The following PARD3B variants were observed in gnomAD, a reference collection of about 807,000 sequenced individuals.
PARD3B encodes the protein par-3 family cell polarity regulator beta.
Under a neutral mutation model 130.2 loss-of-function variants are expected in PARD3B, and 103 were observed. The observed-to-expected ratio is 0.79, with a 90% confidence interval of 0.67 to 0.93. The LOEUF (loss-of-function observed/expected upper bound fraction) is 0.93. PARD3B is among the 40% of genes least tolerant of loss of function. The pLI is 0.00. For synonymous variants in PARD3B, 583 were observed against 553.2 expected (o/e 1.05, Z -0.76); for missense variants, 1,609 against 1,499.2 (o/e 1.07, Z -1.21).
chr2:204,817,517 T>A (rs1229132315), intron 2 of PARD3B, among the ~76,000 whole-genome samples: 1 of 152,166 alleles, frequency 6.6e-6, no homozygotes, highest in Admixed American at 6.6e-5. Context: ...GTGTTCCTTT[T>A]GGGAAGAAGC....
intron 2 of PARD3B, among the ~76,000 whole-genome samples, chr2:204,757,651 G>A (rs2040735539): frequency 6.6e-6 from 1 of 152,048 alleles, no homozygotes; most frequent in Non-Finnish European, 1.5e-5. Flanking sequence ...CTTTGTGAAA[G>A]ATTGCAAACA....
intron 20 of PARD3B, among the ~76,000 whole-genome samples, chr2:205,484,258 A>T (rs1214205980): frequency 6.6e-6 from 1 of 152,182 alleles, no homozygotes; most frequent in South Asian, 2.1e-4. Context: ...GAAAAGTTAC[A>T]TTCCTCTAGG....
chr2:205,073,340 G>T (rs1367103799), intron 4 of PARD3B, among the ~76,000 whole-genome samples: 1 of 152,112 alleles, frequency 6.6e-6, no homozygotes, highest in Non-Finnish European at 1.5e-5. Flanking sequence ...GATTGGTTCT[G>T]GTGGTGTCCT....
At chr2:204,774,725 A>G (rs1574951932) in intron 2 of PARD3B, among the ~76,000 whole-genome samples, 1 of 152,262 alleles carries the variant, frequency 6.6e-6, no homozygotes, top group East Asian at 1.9e-4. Context: ...ATACCTTTGC[A>G]TAAGCCCTAC....
chr2:205,195,944 G>C (rs1282085389), intron 15 of PARD3B, among the ~76,000 whole-genome samples: 1 of 151,922 alleles, frequency 6.6e-6, no homozygotes, highest in East Asian at 1.9e-4. Context: ...CCTTGTTTTT[G>C]TTTCATATTT....
At chr2:205,523,008 G>A (rs894259823) in intron 21 of PARD3B, among the ~76,000 whole-genome samples, 2 of 151,490 alleles carry the variant, frequency 1.3e-5, no homozygotes, top group African/African-American at 4.8e-5. Context: ...AGGGCTTTCA[G>A]TATCCCTTTT....
At chr2:205,062,355 C>T (rs1246798629) in intron 4 of PARD3B, among the ~76,000 whole-genome samples, 1 of 152,102 alleles carries the variant, frequency 6.6e-6, no homozygotes, top group Non-Finnish European at 1.5e-5. Flanking sequence ...AGTGTGGATG[C>T]CCTCAGATCA....
intron 1 of PARD3B, among the ~76,000 whole-genome samples, chr2:204,548,402 C>G (rs895595072): frequency 2.0e-5 from 3 of 152,096 alleles, no homozygotes; most frequent in African/African-American, 7.2e-5. Flanking sequence ...TTATTTCTCC[C>G]AACAACCTTA....
intron 14 of PARD3B, among the ~76,000 whole-genome samples, chr2:205,190,528 G>A (rs994572309): frequency 1.3e-5 from 2 of 152,170 alleles, no homozygotes; most frequent in Admixed American, 6.5e-5. Flanking sequence ...TGATTTTTGC[G>A]GATTCGGGAT....
At chr2:205,501,222 T>C (rs1037747937) in intron 21 of PARD3B, among the ~76,000 whole-genome samples, 1 of 151,988 alleles carries the variant, frequency 6.6e-6, no homozygotes, top group African/African-American at 2.4e-5. Context: ...TATAATGGAG[T>C]TCCAAAACAC....
chr2:204,764,460 A>G (rs942784968), intron 2 of PARD3B, among the ~76,000 whole-genome samples: 1 of 152,034 alleles, frequency 6.6e-6, no homozygotes, highest in African/African-American at 2.4e-5. Flanking sequence ...CTGCAGCTTG[A>G]TTTCTAAGCT....
intron 2 of PARD3B, among the ~76,000 whole-genome samples, chr2:204,796,135 G>A (rs1003540330): frequency 9.9e-5 from 15 of 152,182 alleles, no homozygotes; most frequent in African/African-American, 1.9e-4. Context: ...AATATATGCC[G>A]TGCTGGTGAG....
intron 2 of PARD3B, among the ~76,000 whole-genome samples, chr2:204,836,805 ACT>A (rs1401103903): frequency 6.6e-6 from 1 of 151,664 alleles, no homozygotes; most frequent in Non-Finnish European, 1.5e-5. Flanking sequence ...ACAAAGGGAA[ACT>A]CTTATTTCTG....
intron 22 of PARD3B, among the ~76,000 whole-genome samples, chr2:205,597,016 A>G (rs57175880): frequency 0.014 from 2,150 of 152,216 alleles, 65 homozygotes; most frequent in African/African-American, 0.05. Context: ...TATCCCAATT[A>G]AACTACTAAT....
chr2:204,632,637 C>T (rs1321384296), intron 1 of PARD3B, among the ~76,000 whole-genome samples: 2 of 152,114 alleles, frequency 1.3e-5, no homozygotes, highest in Non-Finnish European at 2.9e-5. Context: ...GTGTTGTGCC[C>T]AAGGCCCTGG....
chr2:205,478,332 T>C (rs1247588616), intron 20 of PARD3B, among the ~76,000 whole-genome samples: 1 of 152,208 alleles, frequency 6.6e-6, no homozygotes, highest in African/African-American at 2.4e-5. Context: ...GCCCAACCAG[T>C]TTCTCCTGAA....
rs1697880008 is a variant in PARD3B, at chr2:205,036,331, A to G, written c.395-11250A>G. On this transcript the variant is annotated intron_variant, in intron 3 of 22. Coordinates refer to ENST00000406610, the MANE Select transcript of PARD3B (RefSeq NM_001302769.2). ...AATATATGTATATAGTGGGCTATAT[A>G]TATAAAAATATATGTATATAGTGGG... Among the ~76,000 whole-genome samples the G allele has an allele frequency of 2.0e-5, 3 of 147,054 alleles. No homozygotes were observed. The South Asian group carries it at 6.3e-4, about 31-fold the overall frequency.
At chr2:205,233,656 A>C (rs1297051805) in intron 15 of PARD3B, among the ~76,000 whole-genome samples, 1 of 152,164 alleles carries the variant, frequency 6.6e-6, no homozygotes, top group East Asian at 1.9e-4. Context: ...CCTATCATTA[A>C]GTTGAAAATA....
intron 18 of PARD3B, among the ~76,000 whole-genome samples, chr2:205,322,030 A>T (rs1230533261): frequency 1.3e-5 from 2 of 152,144 alleles, no homozygotes; most frequent in Non-Finnish European, 2.9e-5. Context: ...ATTGAATACC[A>T]TCTCTTTCTC....
Sources: gnomAD v4.1 joint callset for allele counts (sites outside exome capture counted in the v4.1 genomes callset) on GRCh38, gnomAD v4.1.1 for gene constraint, MANE v1.5 for transcripts, NCBI Gene and HGNC (gene_info 2026-07-23, HGNC 2026-07-21) for gene names.